Variants in HMGCL observed in about 807,000 individuals in gnomAD.
HMGCL encodes the protein hydroxymethylglutaryl-CoA lyase, mitochondrial.
Under a neutral mutation model 37.3 loss-of-function variants are expected in HMGCL, and 26 were observed. The ratio of observed to expected loss-of-function variants is 0.70; its 90% CI spans 0.51 to 0.97. HMGCL has a LOEUF of 0.97. HMGCL is among the 50% of genes least tolerant of loss of function. HMGCL has a pLI of 0.00. For synonymous variants in HMGCL, 151 were observed against 148.0 expected (o/e 1.02, Z -0.15); for missense variants, 379 against 398.1 (o/e 0.95, Z 0.41).
chr1:23,808,139 A>T lies in HMGCL; in HGVS notation c.746T>A (p.Leu249Gln). 2.5e-6 allele frequency: 4 copies of T among 1,613,382 alleles called. No homozygotes were observed. Among genetic ancestry groups the T allele is most frequent in the Non-Finnish European group, 3.4e-6 (4 of 1,179,372 alleles). The change falls in exon 7 of 9, where the codon CTG becomes CAG. Residue 249 changes from leucine to glutamine, a missense_variant. Leu to Gln is a moderately radical substitution (Grantham distance 113). Transcript: ENST00000374490. ...TGGGCATATGCTTTTGATTACCTGCAGGGCCATCAAGGTGTTGGCCAGGGC... is the reference window on the plus strand; with the variant it reads ...TGGGCATATGCTTTTGATTACCTGCTGGGCCATCAAGGTGTTGGCCAGGGC... ...GQALANTLMA[L>Q]QMGVSVVDSS...
rs192934734 is a variant in HMGCL at position 23,823,571 on chromosome 1, C to T, written c.60+1785G>A. The stretch of plus-strand genomic sequence containing the variant: ...TTTCACCAGGTTGGCCAGGCTGGTC[C>T]CGAACTCCCGACCTCAAGTGATCCA... On this transcript the variant is annotated intron_variant, in intron 1 of 8. Coordinates refer to ENST00000374490, the MANE Select transcript of HMGCL (RefSeq NM_000191.3). Among the ~76,000 whole-genome samples the T allele has an allele frequency of 2.7e-3, 410 of 151,970 alleles. 5 individuals carry two copies. The highest frequency in any genetic ancestry group is 4.0e-4 in the Non-Finnish European group (27 of 67,966).
At position 23,825,260 on chromosome 1, in the gene HMGCL, C is replaced by T. The variant is rs532004301; in HGVS notation, c.60+96G>A. ...GACTCTGGCCTGAGAGCTGTCCGGC[C>T]TCGCCTCTAAGAGAGCAGTCACCAC... On this transcript the variant is annotated intron_variant, in intron 1 of 8. Coordinates refer to ENST00000374490, the MANE Select transcript of HMGCL (RefSeq NM_000191.3). 114 of 1,015,586 alleles carry T rather than the reference C, an allele frequency of 1.1e-4. No homozygotes were observed. In the East Asian group the frequency reaches 2.9e-3, roughly 26 times the overall value. The allele number at this position is 1,015,586 out of a possible 1,614,324, so 62.9% of individuals were successfully genotyped here.
At chr1:23,805,745 A>G (rs1187436676) in intron 7 of HMGCL, among the ~76,000 whole-genome samples, 1 of 142,744 alleles carries the variant, frequency 7.0e-6, no homozygotes, top group Non-Finnish European at 1.5e-5. Context: ...ATCTCCACTC[A>G]CTCCCAGTTA....
chr1:23,815,787 G>A (rs1638601344), intron 4 of HMGCL, among the ~76,000 whole-genome samples: 3 of 151,492 alleles, frequency 2.0e-5, no homozygotes, highest in South Asian at 2.1e-4. Flanking sequence ...GAGCCACCGC[G>A]CCCGGCCTGT....
Position 23,802,155 on chromosome 1 carries a change from G to A in HMGCL, c.*308C>T. 3.4e-6 allele frequency: 2 copies of A among 585,504 alleles called. No homozygotes were observed. The highest frequency in any genetic ancestry group is 2.8e-5 in the East Asian group (1 of 36,128). The allele number at this position is 585,504 out of a possible 1,614,324, so 36.3% of individuals were successfully genotyped here. On this transcript the variant is annotated 3_prime_UTR_variant, in exon 9 of 9. Coordinates refer to ENST00000374490, the MANE Select transcript of HMGCL (RefSeq NM_000191.3). ...ATTCCATCCAGAGAGGAGACTCAAGGATCATGCTAAGTAGGGAACGGGGTT... is the reference window on the plus strand; with the variant it reads ...ATTCCATCCAGAGAGGAGACTCAAGAATCATGCTAAGTAGGGAACGGGGTT...
chr1:23,825,262 C>G, intron 1 of HMGCL, 94 bp downstream of exon 1: 1 of 1,026,760 alleles, frequency 9.7e-7, no homozygotes, highest in Non-Finnish European at 1.5e-6. Flanking sequence ...TGTCCGGCCT[C>G]GCCTCTAAGA....
At chr1:23,816,496 T>C in intron 4 of HMGCL, 179 bp downstream of exon 4, 2 of 710,984 alleles carry the variant, frequency 2.8e-6, no homozygotes, top group Non-Finnish European at 5.1e-6. Flanking sequence ...TATAGGCTTG[T>C]CAACTTGTCA....
In HMGCL at chr1:23,817,491, A is replaced by G; in HGVS notation, c.237T>C (p.Pro79=). ...TAGGGCTCACCTGGGGAACCCACTTAGGAGACACAAAGCTGGTGGTTTCTA... is the reference window on the plus strand; with the variant it reads ...TAGGGCTCACCTGGGGAACCCACTTGGGAGACACAAAGCTGGTGGTTTCTA... ...SVIETTSFVS[P]KWVPQMGDHT... is the part of the protein sequence containing the mutation. The change falls in exon 3 of 9, where the codon CCT becomes CCC. Residue 79 remains proline (P), a synonymous_variant. Coordinates refer to ENST00000374490, the MANE Select transcript of HMGCL (RefSeq NM_000191.3). 6.2e-7 allele frequency: 1 copy of G among 1,609,648 alleles called. No homozygotes were observed. Among genetic ancestry groups the G allele is most frequent in the East Asian group, 2.2e-5 (1 of 44,856 alleles).
At chr1:23,807,313 C>T (rs1306823591) in intron 7 of HMGCL, 5 of 508,440 alleles carry the variant, frequency 9.8e-6, no homozygotes, top group Admixed American at 6.0e-5. Flanking sequence ...CACAGAACTA[C>T]GAACCTTAAC....
intron 6 of HMGCL, chr1:23,809,598 C>T (rs1638483258): frequency 1.3e-5 from 2 of 152,080 alleles, no homozygotes; most frequent in Admixed American, 1.3e-4. Context: ...CCCATTTGCA[C>T]ATCTCTAAAA....
chr1:23,813,366 A>C (rs2502987), intron 5 of HMGCL, among the ~76,000 whole-genome samples: 97,366 of 151,106 alleles, frequency 0.64, 31,885 homozygotes, highest in African/African-American at 0.79. Flanking sequence ...TCCCAAGTAG[A>C]TGGAATTACA....
intron 2 of HMGCL, 59 bp downstream of exon 2, chr1:23,820,451 C>T (rs986271777): frequency 3.5e-5 from 41 of 1,161,628 alleles, no homozygotes; most frequent in African/African-American, 6.1e-5. Flanking sequence ...ACCTATCACA[C>T]GTAATACTCA....
chr1:23,821,073 T>C (rs988536337), intron 1 of HMGCL, among the ~76,000 whole-genome samples: 1 of 152,172 alleles, frequency 6.6e-6, no homozygotes, highest in Non-Finnish European at 1.5e-5. Flanking sequence ...AGGCCAGGTA[T>C]TGCGGGGGGC....
intron 8 of HMGCL, among the ~76,000 whole-genome samples, chr1:23,803,144 C>T (rs1291309459): frequency 6.6e-6 from 1 of 152,186 alleles, no homozygotes; most frequent in Non-Finnish European, 1.5e-5. Flanking sequence ...AAGTGATTCT[C>T]CTGCCTCAGC....
intron 7 of HMGCL, among the ~76,000 whole-genome samples, chr1:23,805,724 A>G (rs1243897921): frequency 6.6e-6 from 1 of 151,706 alleles, no homozygotes; most frequent in Non-Finnish European, 1.5e-5. Flanking sequence ...CATTCCTCAG[A>G]CAGCTTCTCT....
intron 2 of HMGCL, 32 bp downstream of exon 2, chr1:23,820,478 A>T (rs1390524778): frequency 1.3e-6 from 2 of 1,515,582 alleles, no homozygotes; most frequent in Non-Finnish European, 1.8e-6. Flanking sequence ...ATGCTTGAAA[A>T]AACTGTTTTT....
At chr1:23,805,201 C>T (rs1164305996) in intron 7 of HMGCL, among the ~76,000 whole-genome samples, 1 of 152,152 alleles carries the variant, frequency 6.6e-6, no homozygotes, top group Non-Finnish European at 1.5e-5. Context: ...CCAAGGCCAA[C>T]CCCTCCACCT....
chr1:23,807,068 G>A, intron 7 of HMGCL: 1 of 519,044 alleles, frequency 1.9e-6, no homozygotes, highest in South Asian at 1.4e-5. Flanking sequence ...AGGGGATTCT[G>A]AGATATCACT....
At chr1:23,817,405 A>C in intron 3 of HMGCL, 71 bp downstream of exon 3, 1 of 882,032 alleles carries the variant, frequency 1.1e-6, no homozygotes, top group South Asian at 1.3e-5. Context: ...CTCAACTTCT[A>C]CTTGCTTCAA....
Sources: allele counts gnomAD v4.1 joint callset (sites outside exome capture counted in the v4.1 genomes callset), GRCh38; gene constraint gnomAD v4.1.1; transcripts MANE v1.5; gene names NCBI Gene and HGNC (gene_info 2026-07-23, HGNC 2026-07-21).